Variants in FARS2 observed in about 807,000 individuals in gnomAD.
FARS2 encodes phenylalanyl-tRNA synthetase 2, mitochondrial, also known as phenylalanine--tRNA ligase, mitochondrial.
FARS2 carries 40 observed loss-of-function variants against 46.4 expected under a neutral mutation model. The ratio of observed to expected loss-of-function variants is 0.86; its 90% confidence interval spans 0.67 to 1.12. FARS2 has a LOEUF of 1.12. FARS2 is among the 50% of genes most tolerant of loss of function. The pLI, the probability that FARS2 is intolerant of heterozygous loss-of-function variation, is 0.00. For synonymous variants in FARS2, 234 were observed against 214.9 expected (o/e 1.09, Z -0.78); for missense variants, 513 against 567.9 (o/e 0.90, Z 0.98).
intron 4 of FARS2, among the ~76,000 whole-genome samples, chr6:5,472,224 T>C (rs1050402902): frequency 2.0e-5 from 3 of 152,124 alleles, no homozygotes; most frequent in African/African-American, 7.2e-5. Flanking sequence ...GTCACTGGGG[T>C]TTAGCAGGCA....
In FARS2 at chr6:5,707,823, C is replaced by T. The variant is rs9392088; in HGVS notation, c.1218-63468C>T. Among the ~76,000 whole-genome samples, 72 of 152,178 alleles carry T rather than the reference C, an allele frequency of 4.7e-4. 1 individual carries two copies. Among genetic ancestry groups the T allele is most frequent in the Non-Finnish European group, 1.0e-4 (7 of 68,002 alleles). On this transcript the variant is annotated intron_variant, in intron 6 of 6. Coordinates refer to ENST00000274680, the MANE Select transcript of FARS2 (RefSeq NM_006567.5). ...CCCTGGGTAGCCTCGGGGCCCCAGACAGGATGAATCTCAGGCCCTGCCATC... is the reference window on the plus strand; with the variant it reads ...CCCTGGGTAGCCTCGGGGCCCCAGATAGGATGAATCTCAGGCCCTGCCATC...
intron 6 of FARS2, among the ~76,000 whole-genome samples, chr6:5,615,019 TG>T (rs1389930768): frequency 6.6e-6 from 1 of 152,242 alleles, no homozygotes; most frequent in Non-Finnish European, 1.5e-5. Flanking sequence ...TTGATCTTTT[TG>T]CTTTTTGTTT....
intron 6 of FARS2, among the ~76,000 whole-genome samples, chr6:5,627,594 T>C (rs553394475): frequency 6.7e-4 from 102 of 152,246 alleles, no homozygotes; most frequent in Non-Finnish European, 1.3e-3. Context: ...TTCTCTGTTA[T>C]AGCAATTGCC....
chr6:5,503,596 A>G (rs1330539764), intron 4 of FARS2, among the ~76,000 whole-genome samples: 1 of 152,132 alleles, frequency 6.6e-6, no homozygotes, highest in African/African-American at 2.4e-5. Context: ...AGTATATAAT[A>G]TGAAATGTAT....
chr6:5,423,890 G>A (rs574584898), intron 3 of FARS2, among the ~76,000 whole-genome samples: 79 of 152,276 alleles, frequency 5.2e-4, no homozygotes, highest in African/African-American at 1.9e-3. Context: ...CATGCTGCGT[G>A]TGAGGTGGGC....
At chr6:5,696,037 A>T (rs1758085535) in intron 6 of FARS2, among the ~76,000 whole-genome samples, 1 of 152,246 alleles carries the variant, frequency 6.6e-6, no homozygotes, top group South Asian at 2.1e-4. Flanking sequence ...TGTAGGTTTG[A>T]CAAAGATTTT....
intron 4 of FARS2, among the ~76,000 whole-genome samples, chr6:5,477,231 G>A (rs1379782589): frequency 1.3e-5 from 2 of 152,076 alleles, no homozygotes; most frequent in Non-Finnish European, 2.9e-5. Flanking sequence ...GGTCTAACAG[G>A]GCTAAACAGA....
In FARS2 at chr6:5,368,889, A is replaced by G; in HGVS notation, c.319A>G (p.Thr107Ala). Residue 107 changes from threonine (T) to alanine (A), a missense_variant, in exon 2 of 7, where the codon ACC becomes GCC. By Grantham distance (58) the Thr-to-Ala change is moderately conservative. Coordinates refer to ENST00000274680, the MANE Select transcript of FARS2 (RefSeq NM_006567.5). ...FYKQYVGRFG[T>A]PLFSVYDNLS... The stretch of plus-strand genomic sequence containing the variant: ...CAAGCAGTATGTGGGCCGCTTTGGG[A>G]CCCCGTTGTTCTCGGTCTACGACAA... 6.2e-7 allele frequency: 1 copy of G among 1,613,746 alleles called. No individual in the cohort carries two copies.
At chr6:5,443,035 T>C (rs181796028) in intron 4 of FARS2, among the ~76,000 whole-genome samples, 215 of 152,380 alleles carry the variant, frequency 1.4e-3, no homozygotes, top group African/African-American at 4.9e-3. Context: ...GATTCTGTCC[T>C]GTATGTTCAT....
chr6:5,518,247 A>G (rs1162023127), intron 4 of FARS2, among the ~76,000 whole-genome samples: 4 of 148,984 alleles, frequency 2.7e-5, no homozygotes, highest in Admixed American at 1.3e-4. Flanking sequence ...AGTTTGGAGC[A>G]AGTAGTCAAA....
intron 1 of FARS2, among the ~76,000 whole-genome samples, chr6:5,337,435 C>G (rs1410389020): frequency 6.6e-6 from 1 of 152,042 alleles, no homozygotes; most frequent in African/African-American, 2.4e-5. Flanking sequence ...TTGGGTAGAG[C>G]GGCATTTTAT....
chr6:5,412,401 C>A (rs1761987203), intron 3 of FARS2, among the ~76,000 whole-genome samples: 1 of 152,248 alleles, frequency 6.6e-6, no homozygotes, highest in African/African-American at 2.4e-5. Flanking sequence ...ACTTCTCCCT[C>A]TGCCCAGTTT....
At chr6:5,682,046 C>T (rs192389055) in intron 6 of FARS2, among the ~76,000 whole-genome samples, 181 of 152,284 alleles carry the variant, frequency 1.2e-3, no homozygotes, top group Admixed American at 3.5e-3. Context: ...AGGACACTTC[C>T]GACTCTACCT....
intron 3 of FARS2, among the ~76,000 whole-genome samples, chr6:5,421,759 C>G (rs1429802924): frequency 1.3e-5 from 2 of 152,204 alleles, no homozygotes; most frequent in African/African-American, 4.8e-5. Context: ...ACAAGTTCCT[C>G]ATCTCCATCT....
intron 4 of FARS2, among the ~76,000 whole-genome samples, chr6:5,474,702 C>T (rs1327089860): frequency 1.4e-5 from 2 of 139,070 alleles, no homozygotes; most frequent in African/African-American, 5.1e-5. Context: ...ACTCTGTCGC[C>T]CCGGCTGGAG....
At chr6:5,692,263 C>T (rs1384357098) in intron 6 of FARS2, among the ~76,000 whole-genome samples, 1 of 152,200 alleles carries the variant, frequency 6.6e-6, no homozygotes, top group Non-Finnish European at 1.5e-5. Flanking sequence ...CAGAAATCAC[C>T]CGTCTTCTGC....
intron 6 of FARS2, among the ~76,000 whole-genome samples, chr6:5,636,571 AGC>A (rs1776556858): frequency 6.6e-6 from 1 of 152,246 alleles, no homozygotes; most frequent in Non-Finnish European, 1.5e-5. Context: ...CTTGAGCAGC[AGC>A]AAGGCAAAGA....
intron 1 of FARS2, among the ~76,000 whole-genome samples, chr6:5,364,628 C>T (rs1389615521): frequency 1.3e-5 from 2 of 152,180 alleles, no homozygotes; most frequent in Non-Finnish European, 2.9e-5. Context: ...GCTTTGTGAG[C>T]AACACAATCT....
intron 4 of FARS2, among the ~76,000 whole-genome samples, chr6:5,494,463 C>G (rs984023852): frequency 6.6e-6 from 1 of 152,136 alleles, no homozygotes; most frequent in African/African-American, 2.4e-5. Flanking sequence ...GTTTAGGTGT[C>G]CTTGATAGGT....
Sources: gnomAD v4.1 joint callset for allele counts (sites outside exome capture counted in the v4.1 genomes callset) on GRCh38, gnomAD v4.1.1 for gene constraint, MANE v1.5 for transcripts, NCBI Gene and HGNC (gene_info 2026-07-23, HGNC 2026-07-21) for gene names.